CNTLN: variants seen among roughly 807,000 people sequenced by gnomAD.
CNTLN encodes centlein, centrosomal protein.
CNTLN carries 212 observed loss-of-function variants against 180.0 expected under a neutral mutation model. That is an observed-to-expected ratio of 1.18 (90% CI 1.05 to 1.32). The LOEUF (loss-of-function observed/expected upper bound fraction) is 1.32, where lower values mean the gene tolerates loss of function less well. Among genes scored for constraint, CNTLN ranks in the 40% most tolerant of loss-of-function variants. CNTLN has a pLI of 0.00. For missense variants in CNTLN, 2,095 were observed against 1,610.9 expected, an observed-to-expected ratio of 1.30 and a Z score of -5.14; for synonymous variants, 722 against 563.1, an observed-to-expected ratio of 1.28 and a Z score of -3.99.
chr9:17,371,237 A>G (rs939068761), intron 13 of CNTLN, among the ~76,000 whole-genome samples: 2 of 152,176 alleles, frequency 1.3e-5, no homozygotes, highest in Admixed American at 6.5e-5. Context: ...GAAACGCTTC[A>G]TCTATAAAGA....
chr9:17,141,153 G>C (rs1385707592), intron 1 of CNTLN, among the ~76,000 whole-genome samples: 1 of 152,116 alleles, frequency 6.6e-6, no homozygotes, highest in East Asian at 1.9e-4. Flanking sequence ...AAGGGAGGTT[G>C]GTCTGTTACT....
intron 2 of CNTLN, among the ~76,000 whole-genome samples, chr9:17,179,827 T>C (rs1821008271): frequency 6.7e-6 from 1 of 149,174 alleles, no homozygotes; most frequent in African/African-American, 2.4e-5. Flanking sequence ...GTTTTTTTTC[T>C]GTATATTATT....
intron 23 of CNTLN, among the ~76,000 whole-genome samples, chr9:17,476,326 A>C (rs1832343726): frequency 6.6e-6 from 1 of 152,138 alleles, no homozygotes. Context: ...ACAATATTGC[A>C]GTTAGGCCAA....
intron 5 of CNTLN, among the ~76,000 whole-genome samples, chr9:17,268,522 A>C (rs1046084705): frequency 2.0e-5 from 3 of 152,290 alleles, no homozygotes; most frequent in African/African-American, 7.2e-5. Flanking sequence ...GCCCGTTCTC[A>C]GATCTCTAGC....
chr9:17,324,344 ACATAT>A (rs2133063302), intron 8 of CNTLN, among the ~76,000 whole-genome samples: 1 of 152,294 alleles, frequency 6.6e-6, no homozygotes, highest in African/African-American at 2.4e-5. Context: ...GAGGCTTATA[ACATAT>A]TTTGGAAAAA....
intron 18 of CNTLN, among the ~76,000 whole-genome samples, chr9:17,454,016 T>C (rs1830965003): frequency 6.6e-6 from 1 of 152,208 alleles, no homozygotes; most frequent in African/African-American, 2.4e-5. Flanking sequence ...TAACGTAATG[T>C]AATCATGGGA....
chr9:17,166,569 TAGTG>T (rs960070790), intron 2 of CNTLN, among the ~76,000 whole-genome samples: 20 of 152,122 alleles, frequency 1.3e-4, no homozygotes, highest in Admixed American at 1.0e-3. Context: ...ATGTTGGAGA[TAGTG>T]AGATCATGAA....
the CNTLN span, among the ~76,000 whole-genome samples, chr9:17,521,353 A>G: frequency 6.6e-6 from 1 of 151,556 alleles, no homozygotes; most frequent in Non-Finnish European, 1.5e-5. Context: ...GAGCAATCTT[A>G]GGTGTAAGTA....
chr9:17,301,034 T>A, intron 7 of CNTLN: 1 of 985,250 alleles, frequency 1.0e-6, no homozygotes, highest in Admixed American at 6.1e-5. Context: ...GAGGGAAATA[T>A]GGGAGCATAA....
intron 6 of CNTLN, among the ~76,000 whole-genome samples, chr9:17,280,495 C>T (rs1252190101): frequency 2.0e-5 from 3 of 152,056 alleles, no homozygotes; most frequent in Non-Finnish European, 4.4e-5. Flanking sequence ...GCCTAGTAAA[C>T]AGGGCCTGAG....
intron 2 of CNTLN, among the ~76,000 whole-genome samples, chr9:17,170,403 G>T (rs1484524876): frequency 1.3e-5 from 2 of 151,850 alleles, no homozygotes; most frequent in African/African-American, 4.8e-5. Flanking sequence ...TAATTGCTTT[G>T]GGTAGGACTT....
chr9:17,295,311 G>A (rs142424460), intron 6 of CNTLN, among the ~76,000 whole-genome samples: 1,889 of 152,288 alleles, frequency 0.012, 19 homozygotes, highest in Middle Eastern at 0.02. Flanking sequence ...CTGCTCAAGC[G>A]CCGCCAGAGT....
At chr9:17,363,814 T>A (rs745813000) in intron 12 of CNTLN, among the ~76,000 whole-genome samples, 15 of 152,156 alleles carry the variant, frequency 9.9e-5, no homozygotes, top group Non-Finnish European at 1.9e-4. Flanking sequence ...TCTTTCTTCA[T>A]CACTGCTTAT....
intron 18 of CNTLN, among the ~76,000 whole-genome samples, chr9:17,433,613 G>A (rs1309777190): frequency 8.8e-6 from 1 of 113,932 alleles, no homozygotes; most frequent in African/African-American, 2.7e-5. Context: ...AGAGTTTGTA[G>A]TGGTTTTTTT....
chr9:17,483,240 A>G (rs1442593463), intron 23 of CNTLN, among the ~76,000 whole-genome samples: 1 of 152,184 alleles, frequency 6.6e-6, no homozygotes, highest in African/African-American at 2.4e-5. Flanking sequence ...CTTTGTTTAT[A>G]ATGAGAGAAA....
chr9:17,345,621 A>G (rs890490535), intron 12 of CNTLN, among the ~76,000 whole-genome samples: 2 of 151,626 alleles, frequency 1.3e-5, no homozygotes, highest in Non-Finnish European at 2.9e-5. Flanking sequence ...TTATTACTTT[A>G]AGTGGAATCT....
intron 12 of CNTLN, among the ~76,000 whole-genome samples, chr9:17,342,856 T>C (rs1821595221): frequency 6.6e-6 from 1 of 152,224 alleles, no homozygotes; most frequent in Admixed American, 6.5e-5. Flanking sequence ...TTCCCTGCCC[T>C]GTCCTGCTAA....
chr9:17,252,252 T>C (rs1195266648), intron 5 of CNTLN, among the ~76,000 whole-genome samples: 1 of 151,920 alleles, frequency 6.6e-6, no homozygotes, highest in Non-Finnish European at 1.5e-5. Context: ...TTTGGATAGA[T>C]ACCCAGTAGT....
At chr9:17,524,013 T>G in the CNTLN span, among the ~76,000 whole-genome samples, 1 of 152,148 alleles carries the variant, frequency 6.6e-6, no homozygotes, top group South Asian at 2.1e-4. Flanking sequence ...ATGTCAAATG[T>G]GTGAAATGTT....
Sources: allele counts gnomAD v4.1 joint callset (sites outside exome capture counted in the v4.1 genomes callset), GRCh38; gene constraint gnomAD v4.1.1; transcripts MANE v1.5; gene names NCBI Gene and HGNC (gene_info 2026-07-23, HGNC 2026-07-21).